The following PPP2R3A variants were observed in gnomAD, a reference collection of about 807,000 sequenced individuals.
PPP2R3A encodes the protein protein phosphatase 2 regulatory subunit B''alpha, also known as serine/threonine-protein phosphatase 2A regulatory subunit B'' subunit alpha.
In PPP2R3A, 80 loss-of-function variants were observed where a neutral mutation model predicts 106.9. That is an observed-to-expected ratio of 0.75 (90% confidence interval 0.62 to 0.90). The LOEUF (loss-of-function observed/expected upper bound fraction) is 0.90. Ranked by LOEUF, PPP2R3A falls within the 40% of genes least tolerant of loss-of-function variation. The pLI is 0.00. For synonymous variants in PPP2R3A, 483 were observed against 468.3 expected, an observed-to-expected ratio of 1.03 and a Z score of -0.41; for missense variants, 1,386 against 1,350.4, an observed-to-expected ratio of 1.03 and a Z score of -0.41.
chr3:135,982,417 C>G (rs539792202), intron 1 of PPP2R3A, among the ~76,000 whole-genome samples: 1 of 152,254 alleles, frequency 6.6e-6, no homozygotes, highest in East Asian at 1.9e-4. Flanking sequence ...TTGGAAGTGT[C>G]TCAGGTTCTC....
intron 13 of PPP2R3A, among the ~76,000 whole-genome samples, chr3:136,112,117 C>A (rs1309043054): frequency 6.6e-6 from 1 of 152,094 alleles, no homozygotes. Flanking sequence ...AAACCCTCAA[C>A]AAACTGGCAT....
chr3:136,017,067 C>A (rs866784415), intron 2 of PPP2R3A, among the ~76,000 whole-genome samples: 2 of 152,108 alleles, frequency 1.3e-5, no homozygotes, highest in Non-Finnish European at 2.9e-5. Flanking sequence ...ATCTTTCTTT[C>A]ATTTATGAAG....
intron 1 of PPP2R3A, among the ~76,000 whole-genome samples, chr3:135,996,766 C>T (rs1933415515): frequency 6.6e-6 from 1 of 152,150 alleles, no homozygotes; most frequent in Non-Finnish European, 1.5e-5. Context: ...TTGCCTGTTC[C>T]TAATCAGATA....
chr3:136,043,108 C>T (rs1014816250), intron 4 of PPP2R3A, among the ~76,000 whole-genome samples: 1 of 151,608 alleles, frequency 6.6e-6, no homozygotes, highest in African/African-American at 2.4e-5. Context: ...TGCTGATTTG[C>T]TCCAGTAGCT....
At chr3:136,056,313 A>G (rs1935858231) in intron 5 of PPP2R3A, among the ~76,000 whole-genome samples, 1 of 152,232 alleles carries the variant, frequency 6.6e-6, no homozygotes, top group South Asian at 2.1e-4. Context: ...AATTAAGGAA[A>G]TGTGAATAAA....
At chr3:136,118,760 A>G (rs1375447160) in intron 13 of PPP2R3A, among the ~76,000 whole-genome samples, 1 of 152,212 alleles carries the variant, frequency 6.6e-6, no homozygotes, top group Non-Finnish European at 1.5e-5. Context: ...GCCCATGGAT[A>G]GGAAGAATAA....
In PPP2R3A at chr3:136,071,347, G is replaced by C. The variant is rs146845925; in HGVS notation, c.2544+795G>C. The stretch of plus-strand genomic sequence containing the variant: ...TCCTGCCGAGTTACAAAATACTACT[G>C]TTTTCTTTTTCTCCTGTAGGAACTT... On this transcript the variant is annotated intron_variant, in intron 6 of 13. Coordinates refer to ENST00000264977, the MANE Select transcript of PPP2R3A (RefSeq NM_002718.5). Among the ~76,000 whole-genome samples, 595 of 152,284 alleles carry C rather than the reference G, an allele frequency of 3.9e-3. 6 individuals carry two copies. The highest frequency in any genetic ancestry group is 0.013 in the African/African-American group (542 of 41,552).
chr3:136,043,343 C>T (rs953104283), intron 4 of PPP2R3A, among the ~76,000 whole-genome samples: 5 of 152,176 alleles, frequency 3.3e-5, no homozygotes, highest in African/African-American at 1.2e-4. Context: ...CCTGTAGTCC[C>T]AGCTACTCAG....
chr3:136,036,916 A>T (rs1935104995), intron 3 of PPP2R3A, among the ~76,000 whole-genome samples: 1 of 152,226 alleles, frequency 6.6e-6, no homozygotes, highest in Non-Finnish European at 1.5e-5. Flanking sequence ...TTTACTATGC[A>T]TGCAAGTCTT....
At chr3:136,078,013 A>G (rs2107922676) in intron 6 of PPP2R3A, among the ~76,000 whole-genome samples, 1 of 152,318 alleles carries the variant, frequency 6.6e-6, no homozygotes, top group Non-Finnish European at 1.5e-5. Flanking sequence ...CCAACCCAGG[A>G]GATACTTCCC....
At chr3:135,978,591 T>C (rs1204129314) in intron 1 of PPP2R3A, among the ~76,000 whole-genome samples, 3 of 151,802 alleles carry the variant, frequency 2.0e-5, no homozygotes, top group Non-Finnish European at 4.4e-5. Flanking sequence ...CTATCCAGTT[T>C]GGCTTTTCAT....
intron 1 of PPP2R3A, among the ~76,000 whole-genome samples, chr3:135,969,235 T>C (rs566514059): frequency 6.6e-6 from 1 of 152,250 alleles, no homozygotes; most frequent in African/African-American, 2.4e-5. Context: ...TGCCCCTAAT[T>C]AAGGTTACTG....
intron 12 of PPP2R3A, among the ~76,000 whole-genome samples, chr3:136,104,022 A>G (rs1316110614): frequency 1.3e-5 from 2 of 152,196 alleles, no homozygotes; most frequent in African/African-American, 4.8e-5. Flanking sequence ...CTAAGAAGTA[A>G]AAATTATGTT....
At chr3:136,081,292 G>A (rs1031762381) in intron 7 of PPP2R3A, among the ~76,000 whole-genome samples, 3 of 151,928 alleles carry the variant, frequency 2.0e-5, no homozygotes, top group South Asian at 2.1e-4. Context: ...CACCCAGCCC[G>A]CTTATGTTTT....
At chr3:136,049,388 G>C in intron 5 of PPP2R3A, 27 bp downstream of exon 5, 1 of 1,545,856 alleles carries the variant, frequency 6.5e-7, no homozygotes, top group Non-Finnish European at 8.9e-7. Flanking sequence ...TTTGAAAATG[G>C]GTTCTAATTT....
chr3:136,033,280 G>A (rs1934970700), intron 3 of PPP2R3A, among the ~76,000 whole-genome samples: 1 of 152,188 alleles, frequency 6.6e-6, no homozygotes, highest in African/African-American at 2.4e-5. Flanking sequence ...CAGTTAGCTA[G>A]TATTTTGTTA....
chr3:136,002,443 T>C lies in PPP2R3A; in HGVS notation c.945T>C (p.Pro315=), dbSNP rs1198997444. Residue 315 remains proline, a synonymous_variant, in exon 2 of 14, where the codon CCT becomes CCC. Transcript: ENST00000264977. ...TAACAGAACTGATCAGTAATATGCC[T>C]AGCTTACAACTGACTCCCTTCTCCC... is the stretch of plus-strand genomic sequence containing the variant. ...LDLTELISNM[P]SLQLTPFSPV... is the part of the protein sequence containing the mutation. 1 of 1,613,890 alleles carries C rather than the reference T, an allele frequency of 6.2e-7. No homozygotes were observed. The highest frequency in any genetic ancestry group is 8.5e-7 in the Non-Finnish European group (1 of 1,179,764).
At chr3:136,077,793 C>T (rs890181027) in intron 6 of PPP2R3A, among the ~76,000 whole-genome samples, 2 of 152,076 alleles carry the variant, frequency 1.3e-5, no homozygotes, top group African/African-American at 4.8e-5. Context: ...TCTGCTAAAC[C>T]CATTAAAACA....
chr3:136,050,721 T>C (rs1935657025), intron 5 of PPP2R3A, among the ~76,000 whole-genome samples: 1 of 152,096 alleles, frequency 6.6e-6, no homozygotes, highest in Non-Finnish European at 1.5e-5. Context: ...TTCCTGACAC[T>C]AAGAGGTCTT....
Sources: allele counts gnomAD v4.1 joint callset (sites outside exome capture counted in the v4.1 genomes callset), GRCh38; gene constraint gnomAD v4.1.1; transcripts MANE v1.5; gene names NCBI Gene and HGNC (gene_info 2026-07-23, HGNC 2026-07-21).